CERS6: variants seen among roughly 807,000 people sequenced by gnomAD.
CERS6 encodes the protein ceramide synthase 6.
In CERS6, 26 loss-of-function variants were observed where a neutral mutation model predicts 56.8. That is an observed-to-expected ratio of 0.46 (90% CI 0.34 to 0.63). The LOEUF (loss-of-function observed/expected upper bound fraction) is 0.63, where lower values mean the gene tolerates loss of function less well. Among genes scored for constraint, CERS6 ranks in the 30% least tolerant of loss-of-function variants. The pLI is 0.01. For synonymous variants in CERS6, 164 were observed against 173.3 expected, an observed-to-expected ratio of 0.95 and a Z score of 0.42; for missense variants, 415 against 467.5, an observed-to-expected ratio of 0.89 and a Z score of 1.04.
At chr2:168,676,319 C>T (rs1406874764) in intron 4 of CERS6, among the ~76,000 whole-genome samples, 3 of 151,992 alleles carry the variant, frequency 2.0e-5, no homozygotes, top group African/African-American at 7.2e-5. Flanking sequence ...GCTGTTTCAC[C>T]CATACACGGT....
chr2:168,651,338 A>G (rs1685335457), intron 4 of CERS6, among the ~76,000 whole-genome samples: 1 of 152,166 alleles, frequency 6.6e-6, no homozygotes. Flanking sequence ...CAAAGTAGTC[A>G]TTTATGTTCA....
intron 4 of CERS6, among the ~76,000 whole-genome samples, chr2:168,668,871 T>C (rs1192460813): frequency 2.6e-5 from 4 of 152,214 alleles, no homozygotes; most frequent in Non-Finnish European, 4.4e-5. Context: ...TGAAATGTTA[T>C]TAGATTTTTT....
At chr2:168,635,044 G>GT (rs1684831731) in intron 4 of CERS6, among the ~76,000 whole-genome samples, 1 of 152,172 alleles carries the variant, frequency 6.6e-6, no homozygotes, top group African/African-American at 2.4e-5. Context: ...AGTGTGCTTA[G>GT]TGATCCAGTT....
chr2:168,520,625 T>TTTTTTTTTTTTTTTTTTTTTTTTTG (rs1694961257), intron 1 of CERS6, among the ~76,000 whole-genome samples: 1 of 120,908 alleles, frequency 8.3e-6, no homozygotes, highest in Non-Finnish European at 1.7e-5. Context: ...TTTTTTTTTT[T>TTTTTTTTTTTTTTTTTTTTTTTTTG]TTGAGAAGCA....
chr2:168,719,369 G>A (rs1187380610), intron 8 of CERS6, among the ~76,000 whole-genome samples: 1 of 152,124 alleles, frequency 6.6e-6, no homozygotes, highest in African/African-American at 2.4e-5. Flanking sequence ...AGCTCTGTTG[G>A]CTAAATTATA....
intron 4 of CERS6, among the ~76,000 whole-genome samples, chr2:168,633,175 A>AT (rs1289374081): frequency 1.4e-5 from 2 of 146,518 alleles, no homozygotes; most frequent in African/African-American, 4.9e-5. Context: ...TTTTTTTTTA[A>AT]TAAAAAAAAA....
chr2:168,720,069 AGCAC>A (rs71003051), intron 8 of CERS6, among the ~76,000 whole-genome samples: 53,870 of 150,312 alleles, frequency 0.36, 12,154 homozygotes, highest in Non-Finnish European at 0.5. Context: ...CTGAGACTAC[AGCAC>A]GCACCACCAG....
intron 1 of CERS6, among the ~76,000 whole-genome samples, chr2:168,474,833 C>T (rs139192147): frequency 6.6e-6 from 1 of 152,262 alleles, no homozygotes; most frequent in African/African-American, 2.4e-5. Flanking sequence ...TCCTTTACAA[C>T]AAATAAAAGT....
At chr2:168,517,473 T>TA (rs1694902422) in intron 1 of CERS6, among the ~76,000 whole-genome samples, 2 of 151,336 alleles carry the variant, frequency 1.3e-5, no homozygotes, top group African/African-American at 4.9e-5. Flanking sequence ...GCCTGGGCGA[T>TA]ACAGCAAGAC....
chr2:168,522,826 G>A (rs1203565375), intron 1 of CERS6, among the ~76,000 whole-genome samples: 1 of 152,204 alleles, frequency 6.6e-6, no homozygotes, highest in Non-Finnish European at 1.5e-5. Flanking sequence ...TGAGATTACA[G>A]GTGTGAACCA....
At chr2:168,517,545 A>G (rs879811996) in intron 1 of CERS6, among the ~76,000 whole-genome samples, 1 of 151,642 alleles carries the variant, frequency 6.6e-6, no homozygotes, top group Non-Finnish European at 1.5e-5. Flanking sequence ...TAAACATTAA[A>G]AAAAAAGTAA....
chr2:168,750,029 G>A (rs1684217669), intron 8 of CERS6, among the ~76,000 whole-genome samples: 1 of 152,208 alleles, frequency 6.6e-6, no homozygotes, highest in African/African-American at 2.4e-5. Flanking sequence ...GTCATGGAGA[G>A]GGGCAATTAA....
At chr2:168,555,722 C>CTCTGTGTGTGTGTGTGTG (rs1261403157) in intron 2 of CERS6, among the ~76,000 whole-genome samples, 2 of 140,920 alleles carry the variant, frequency 1.4e-5, no homozygotes, top group African/African-American at 5.5e-5. Flanking sequence ...ATAATTGACT[C>CTCTGTGTGTGTGTGTGTG]TGTGTGTGTG....
At chr2:168,641,679 A>G (rs4668086) in intron 4 of CERS6, among the ~76,000 whole-genome samples, 40,042 of 152,084 alleles carry the variant, frequency 0.26, 5,807 homozygotes, top group South Asian at 0.43. Flanking sequence ...TTCGTCCCTG[A>G]GCCACGAGAG....
intron 1 of CERS6, among the ~76,000 whole-genome samples, chr2:168,484,165 C>CTTTTTTTTTTTT (rs1694229616): frequency 2.2e-5 from 1 of 46,384 alleles, no homozygotes; most frequent in Non-Finnish European, 4.6e-5. Context: ...TTTCTTTTTT[C>CTTTTTTTTTTTT]TGTTTTTTTT....
chr2:168,699,687 C>T (rs545740694), intron 6 of CERS6, among the ~76,000 whole-genome samples: 6 of 151,974 alleles, frequency 3.9e-5, no homozygotes, highest in South Asian at 2.1e-4. Flanking sequence ...AACACATTGC[C>T]TCACTTGTAA....
chr2:168,547,003 A>G (rs899006499), intron 1 of CERS6, among the ~76,000 whole-genome samples: 4 of 152,202 alleles, frequency 2.6e-5, no homozygotes, highest in African/African-American at 9.7e-5. Context: ...GCGACTTTTC[A>G]TCTTGTCTGG....
chr2:168,669,643 T>TGG (rs1685857293), intron 4 of CERS6, among the ~76,000 whole-genome samples: 1 of 152,158 alleles, frequency 6.6e-6, no homozygotes, highest in Admixed American at 6.5e-5. Context: ...CCCAGGAACT[T>TGG]GTAAGTTAAA....
intron 8 of CERS6, among the ~76,000 whole-genome samples, chr2:168,720,951 T>G (rs140238677): frequency 6.6e-6 from 1 of 152,302 alleles, no homozygotes; most frequent in East Asian, 1.9e-4. Context: ...ATAGCTATGC[T>G]TCGTGGCCAG....
Sources: allele counts gnomAD v4.1 joint callset (sites outside exome capture counted in the v4.1 genomes callset), GRCh38; gene constraint gnomAD v4.1.1; transcripts MANE v1.5; gene names NCBI Gene and HGNC (gene_info 2026-07-23, HGNC 2026-07-21).